RIN2: variants seen among roughly 807,000 people sequenced by gnomAD.
The protein encoded by RIN2 is RAB5 interacting protein 2.
RIN2 carries 36 observed loss-of-function variants against 78.0 expected under a neutral mutation model. The ratio of observed to expected loss-of-function variants is 0.46; its 90% confidence interval spans 0.35 to 0.61. The LOEUF is 0.61. Ranked by LOEUF, RIN2 falls within the 20% of genes least tolerant of loss-of-function variation. The probability of loss-of-function intolerance (pLI) is 0.00; values close to 1 mark genes in which losing one functional copy is unlikely to be tolerated. For synonymous variants in RIN2, 466 were observed against 466.8 expected, an observed-to-expected ratio of 1.00 and a Z score of 0.02; for missense variants, 1,087 against 1,159.7, an observed-to-expected ratio of 0.94 and a Z score of 0.91.
intron 5 of RIN2, 109 bp from the exon 6 acceptor site, chr20:19,960,591 C>T (rs2041709826): frequency 4.9e-6 from 4 of 812,378 alleles, no homozygotes; most frequent in Non-Finnish European, 8.2e-6. Flanking sequence ...GGGAGCCATG[C>T]AGTGTGGATA....
intron 3 of RIN2, among the ~76,000 whole-genome samples, chr20:19,926,773 A>G (rs1009280422): frequency 6.6e-6 from 1 of 152,220 alleles, no homozygotes; most frequent in Non-Finnish European, 1.5e-5. Flanking sequence ...TCAACATATC[A>G]GCAACACATC....
intron 1 of RIN2, among the ~76,000 whole-genome samples, chr20:19,784,019 G>A (rs945349423): frequency 6.6e-6 from 1 of 152,208 alleles, no homozygotes; most frequent in Non-Finnish European, 1.5e-5. Context: ...GGCCAGGTTA[G>A]CACAGTGAGA....
chr20:19,957,509 T>G (rs2041591106), intron 5 of RIN2, among the ~76,000 whole-genome samples: 1 of 152,034 alleles, frequency 6.6e-6, no homozygotes, highest in South Asian at 2.1e-4. Context: ...GCACCCTATC[T>G]CTACTAAAAT....
At chr20:19,890,353 T>G (rs2038392141) in intron 3 of RIN2, among the ~76,000 whole-genome samples, 1 of 152,158 alleles carries the variant, frequency 6.6e-6, no homozygotes, top group Non-Finnish European at 1.5e-5. Flanking sequence ...TCAATTCCCC[T>G]CTTGTGGCTT....
chr20:19,940,311 C>T (rs1196995400), intron 4 of RIN2, among the ~76,000 whole-genome samples: 5 of 152,190 alleles, frequency 3.3e-5, no homozygotes, highest in African/African-American at 1.2e-4. Flanking sequence ...AGGTGCCAAG[C>T]CCCTTAGTGA....
chr20:19,947,050 T>G (rs1292304987), intron 4 of RIN2, among the ~76,000 whole-genome samples: 1 of 148,954 alleles, frequency 6.7e-6, no homozygotes, highest in Non-Finnish European at 1.5e-5. Context: ...GCAAATTCAG[T>G]ATCTTTACCA....
At chr20:19,961,127 T>C (rs949289064) in intron 6 of RIN2, among the ~76,000 whole-genome samples, 3 of 152,214 alleles carry the variant, frequency 2.0e-5, no homozygotes, top group Admixed American at 2.0e-4. Context: ...TGAATTCAGT[T>C]CCCAGGTTTG....
Position 19,960,746 on chromosome 20 carries a change from C to A in RIN2, c.398C>A (p.Ser133Tyr). ...ACCAAGATGCAGAAGAAAGTCCTCTCCCTCCGCCTGCCCTGTGAATTTGGG... is the reference window on the plus strand; with the variant it reads ...ACCAAGATGCAGAAGAAAGTCCTCTACCTCCGCCTGCCCTGTGAATTTGGG... ...KSTKMQKKVL[S>Y]LRLPCEFGAP... The change falls in exon 6 of 13, where the codon TCC (serine) becomes TAC (tyrosine). Residue 133 changes from serine (S) to tyrosine (Y), a missense_variant. Around this residue, in one of 8 missense-constraint regions of RIN2, gnomAD observed 706 missense variants for 667.5 expected, o/e 1.06. Coordinates refer to ENST00000255006, the MANE Select transcript of RIN2 (RefSeq NM_018993.4). 1 of 1,605,504 alleles carries A rather than the reference C, an allele frequency of 6.2e-7. No individual in the cohort carries two copies. Among genetic ancestry groups the A allele is most frequent in the East Asian group, 2.2e-5 (1 of 44,676 alleles).
At chr20:19,817,361 G>A (rs897931686) in intron 2 of RIN2, among the ~76,000 whole-genome samples, 1 of 152,136 alleles carries the variant, frequency 6.6e-6, no homozygotes, top group East Asian at 1.9e-4. Context: ...GTCCTCACTT[G>A]GCAGACGGGG....
At chr20:19,889,732 G>A (rs1380306126) in intron 3 of RIN2, 74 bp downstream of exon 3, 1 of 1,199,364 alleles carries the variant, frequency 8.3e-7, no homozygotes, top group African/African-American at 1.6e-5. Flanking sequence ...GTGCTCCATG[G>A]AGCTGCTGAG....
chr20:19,780,328 T>C (rs1451358207), intron 1 of RIN2, among the ~76,000 whole-genome samples: 3 of 152,258 alleles, frequency 2.0e-5, no homozygotes, highest in Non-Finnish European at 2.9e-5. Context: ...CGAATTGATA[T>C]GTTTTGAAGA....
chr20:19,806,903 A>G (rs2035427548), intron 2 of RIN2, among the ~76,000 whole-genome samples: 1 of 152,152 alleles, frequency 6.6e-6, no homozygotes, highest in Non-Finnish European at 1.5e-5. Flanking sequence ...GAAATTGATA[A>G]TAAATATCTG....
intron 4 of RIN2, among the ~76,000 whole-genome samples, chr20:19,936,346 ATTTTC>A (rs2040643135): frequency 6.6e-6 from 1 of 152,140 alleles, no homozygotes; most frequent in African/African-American, 2.4e-5. Context: ...ATGCACAATG[ATTTTC>A]AGGTAGTGAC....
chr20:19,935,080 T>C lies in RIN2; in HGVS notation c.58-19T>C. 6.4e-7 allele frequency: 1 copy of C among 1,568,072 alleles called. No individual in the cohort carries two copies. Among genetic ancestry groups the C allele is most frequent in the Non-Finnish European group, 8.7e-7 (1 of 1,154,850 alleles). Reference sequence around the variant, plus strand: ...GCCTCTCCACTTCCTGACGTCATACTATTTTTGTCTTTGAATAGCTCATTG... The same window carrying C: ...GCCTCTCCACTTCCTGACGTCATACCATTTTTGTCTTTGAATAGCTCATTG... On this transcript the variant is annotated intron_variant, in intron 3 of 12. Coordinates refer to ENST00000255006, the MANE Select transcript of RIN2 (RefSeq NM_018993.4).
intron 2 of RIN2, among the ~76,000 whole-genome samples, chr20:19,851,027 AAGG>A (rs2036949339): frequency 5.9e-4 from 65 of 109,434 alleles, no homozygotes; most frequent in African/African-American, 2.5e-3. Context: ...GGAAGGAAGG[AAGG>A]AAGGAAGGAA....
intron 4 of RIN2, among the ~76,000 whole-genome samples, chr20:19,946,470 C>T (rs957906334): frequency 2.7e-4 from 41 of 152,092 alleles, no homozygotes; most frequent in Non-Finnish European, 1.6e-4. Context: ...ATCCCAGCAC[C>T]ACTTTGAGAG....
At chr20:19,956,830 G>A (rs1012746772) in intron 5 of RIN2, 23 bp downstream of exon 5, 2 of 1,514,096 alleles carry the variant, frequency 1.3e-6, no homozygotes, top group Non-Finnish European at 1.8e-6. Flanking sequence ...ACCTCGGGAA[G>A]CAGGTTGAAG....
chr20:19,986,538 C>T (rs1045053099), intron 9 of RIN2, among the ~76,000 whole-genome samples: 10 of 152,228 alleles, frequency 6.6e-5, no homozygotes, highest in African/African-American at 2.4e-4. Context: ...CCTTTTATAC[C>T]CAAGGGTGGA....
chr20:19,775,997 C>T (rs1192147141), intron 1 of RIN2, among the ~76,000 whole-genome samples: 1 of 152,234 alleles, frequency 6.6e-6, no homozygotes, highest in Non-Finnish European at 1.5e-5. Flanking sequence ...TAAAGACTTA[C>T]CCAGGCGTTC....
Sources: allele counts gnomAD v4.1 joint callset (sites outside exome capture counted in the v4.1 genomes callset), GRCh38; gene constraint gnomAD v4.1.1; regional missense constraint gnomAD v4.1.1; transcripts MANE v1.5; gene names NCBI Gene and HGNC (gene_info 2026-07-23, HGNC 2026-07-21).